IL1RAPL2: variants seen among roughly 807,000 people sequenced by gnomAD.
The protein encoded by IL1RAPL2 is X-linked interleukin-1 receptor accessory protein-like 2.
IL1RAPL2 carries 3 observed loss-of-function variants against 44.1 expected under a neutral mutation model. The observed-to-expected ratio is 0.07, with a 90% CI of 0.03 to 0.18. The LOEUF (loss-of-function observed/expected upper bound fraction) is 0.18, where lower values mean the gene tolerates loss of function less well. Ranked by LOEUF, IL1RAPL2 falls within the 10% of genes least tolerant of loss-of-function variation. IL1RAPL2 has a pLI of 1.00. For missense variants in IL1RAPL2, 391 were observed against 496.4 expected, an observed-to-expected ratio of 0.79 and a Z score of 2.02; for synonymous variants, 181 against 178.8, an observed-to-expected ratio of 1.01 and a Z score of -0.10.
chrX:104,805,908 C>A (rs1260322850), intron 2 of IL1RAPL2, among the ~76,000 whole-genome samples: 4 of 111,613 alleles, frequency 3.6e-5, no homozygotes, highest in African/African-American at 1.3e-4. Context: ...TAGTTCAAAT[C>A]TTTTTGAACC....
intron 2 of IL1RAPL2, among the ~76,000 whole-genome samples, chrX:105,069,563 T>C (rs760300474): frequency 8.9e-6 from 1 of 112,376 alleles, no homozygotes; most frequent in African/African-American, 3.2e-5. Flanking sequence ...CTAGAAATTC[T>C]AGATAACTTT....
chrX:105,122,613 C>T (rs1260369037), intron 2 of IL1RAPL2, among the ~76,000 whole-genome samples: 2 of 110,627 alleles, frequency 1.8e-5, no homozygotes, highest in Non-Finnish European at 3.8e-5. Flanking sequence ...ACCTAATTTG[C>T]CAATGTGGAA....
chrX:104,973,657 A>T (rs1341834337), intron 2 of IL1RAPL2, among the ~76,000 whole-genome samples: 1 of 112,129 alleles, frequency 8.9e-6, no homozygotes, highest in Non-Finnish European at 1.9e-5. Context: ...TTAAAGAGTC[A>T]ATTATAAACA....
chrX:105,088,979 G>C (rs1051809914), intron 2 of IL1RAPL2, among the ~76,000 whole-genome samples: 10 of 110,377 alleles, frequency 9.1e-5, no homozygotes, highest in African/African-American at 3.3e-4. Context: ...TACTGAATGG[G>C]GGAATAATTA....
intron 1 of IL1RAPL2, among the ~76,000 whole-genome samples, chrX:104,631,648 T>C (rs1929652396): frequency 2.7e-5 from 3 of 112,323 alleles, no homozygotes; most frequent in African/African-American, 9.7e-5. Context: ...TTCTGCGAAG[T>C]GTCTGCTCAT....
intron 2 of IL1RAPL2, among the ~76,000 whole-genome samples, chrX:104,806,641 C>T (rs1932924608): frequency 8.9e-6 from 1 of 112,771 alleles, no homozygotes; most frequent in South Asian, 3.6e-4. Flanking sequence ...CTTTGTGGTA[C>T]AACACTTGCC....
rs1221589236 is a variant in IL1RAPL2, at chrX:104,905,398, T to G, written c.82+246403T>G. Among the ~76,000 whole-genome samples, 18 of 111,767 alleles carry G rather than the reference T, an allele frequency of 1.6e-4. No homozygotes were observed. In the East Asian group the frequency reaches 4.2e-3, roughly 26 times the overall value. The stretch of plus-strand genomic sequence containing the variant: ...TTGCCCATGTCTATGTCCTGAATGG[T>G]AATGCCTAGGTTTTCTTCTAGGGTT... On this transcript the variant is annotated intron_variant, in intron 2 of 10. Coordinates refer to ENST00000372582, the MANE Select transcript of IL1RAPL2 (RefSeq NM_017416.2).
At chrX:104,600,624 AG>A (rs1928863262) in intron 1 of IL1RAPL2, among the ~76,000 whole-genome samples, 1 of 110,312 alleles carries the variant, frequency 9.1e-6, no homozygotes, top group Non-Finnish European at 1.9e-5. Context: ...CCTGTCACCA[AG>A]ATACTGAGCA....
intron 6 of IL1RAPL2, among the ~76,000 whole-genome samples, chrX:105,701,459 C>T (rs2038118696): frequency 9.0e-6 from 1 of 111,388 alleles, no homozygotes; most frequent in Non-Finnish European, 1.9e-5. Context: ...TATATTGCGA[C>T]ATTGAATTCC....
chrX:105,470,066 C>T (rs2036156036), intron 5 of IL1RAPL2, among the ~76,000 whole-genome samples: 1 of 111,206 alleles, frequency 9.0e-6, no homozygotes, highest in South Asian at 3.7e-4. Flanking sequence ...AAACAAAAAA[C>T]TGAAGTGGTC....
At chrX:104,964,457 G>A (rs937716051) in intron 2 of IL1RAPL2, among the ~76,000 whole-genome samples, 4 of 108,664 alleles carry the variant, frequency 3.7e-5, no homozygotes, top group Admixed American at 2.0e-4. Context: ...GACTACAGGC[G>A]CCCGCCACCA....
At chrX:105,661,272 G>A (rs1361019448) in intron 6 of IL1RAPL2, among the ~76,000 whole-genome samples, 1 of 112,052 alleles carries the variant, frequency 8.9e-6, no homozygotes, top group Admixed American at 9.4e-5. Context: ...TCCCAGATAT[G>A]CAAAGCAAAT....
chrX:105,282,734 A>C (rs2034541544), intron 5 of IL1RAPL2, among the ~76,000 whole-genome samples: 1 of 111,738 alleles, frequency 8.9e-6, no homozygotes, highest in African/African-American at 3.2e-5. Flanking sequence ...TTCTGGGAAA[A>C]TGAGATAGAA....
intron 2 of IL1RAPL2, among the ~76,000 whole-genome samples, chrX:105,072,656 A>T (rs185275567): frequency 2.7e-5 from 3 of 110,765 alleles, no homozygotes; most frequent in East Asian, 5.7e-4. Flanking sequence ...AATTATTACT[A>T]TACTTTAAGT....
chrX:105,447,380 TATATAAATATAAATATATAAATATATAA>T (rs2035973291), intron 5 of IL1RAPL2, among the ~76,000 whole-genome samples: 7 of 66,243 alleles, frequency 1.1e-4, no homozygotes, highest in Admixed American at 5.5e-4. Context: ...AATATATAAA[TATATAAATATAAATATATAAATATATAA>T]ATATAAATAT....
intron 6 of IL1RAPL2, among the ~76,000 whole-genome samples, chrX:105,641,672 AAG>A (rs1268746849): frequency 8.9e-6 from 1 of 112,261 alleles, no homozygotes; most frequent in Non-Finnish European, 1.9e-5. Context: ...AGGAAAAGGA[AAG>A]ACTCCAGAAG....
chrX:105,358,772 C>A (rs186648297), intron 5 of IL1RAPL2, among the ~76,000 whole-genome samples: 54 of 110,671 alleles, frequency 4.9e-4, no homozygotes, highest in Non-Finnish European at 9.3e-4. Context: ...AAACCAATAG[C>A]ATCAATCCAG....
chrX:105,706,419 A>C (rs2038166045), intron 6 of IL1RAPL2, among the ~76,000 whole-genome samples: 1 of 111,902 alleles, frequency 8.9e-6, no homozygotes, highest in African/African-American at 3.2e-5. Flanking sequence ...AGACTAGCCA[A>C]TTGTTTTACC....
intron 6 of IL1RAPL2, among the ~76,000 whole-genome samples, chrX:105,670,455 G>A (rs12006969): frequency 0.32 from 32,771 of 102,670 alleles, 4,275 homozygotes; most frequent in Non-Finnish European, 0.37. Context: ...GCCCGCCACC[G>A]CGCCTGGCAA....
Sources: allele counts gnomAD v4.1 joint callset (sites outside exome capture counted in the v4.1 genomes callset), GRCh38; gene constraint gnomAD v4.1.1; transcripts MANE v1.5; gene names NCBI Gene and HGNC (gene_info 2026-07-23, HGNC 2026-07-21).